The following DSCAML1 variants were observed in gnomAD, a reference collection of about 807,000 sequenced individuals.
DSCAML1 encodes DS cell adhesion molecule like 1, also known as cell adhesion molecule DSCAML1.
In DSCAML1, 38 loss-of-function variants were observed where a neutral mutation model predicts 200.5. The ratio of observed to expected loss-of-function variants is 0.19; its 90% CI spans 0.15 to 0.25. The LOEUF (loss-of-function observed/expected upper bound fraction) is 0.25. DSCAML1 is among the 10% of genes least tolerant of loss of function. The pLI, the probability that DSCAML1 is intolerant of heterozygous loss-of-function variation, is 1.00. For missense variants in DSCAML1, 2,223 were observed against 2,858.8 expected (o/e 0.78, Z 5.07); for synonymous variants, 1,215 against 1,165.0 (o/e 1.04, Z -0.87).
chr11:117,536,993 T>C (rs2050183701), intron 3 of DSCAML1, among the ~76,000 whole-genome samples: 1 of 152,184 alleles, frequency 6.6e-6, no homozygotes, highest in Non-Finnish European at 1.5e-5. Context: ...ATACAATTAT[T>C]ATTAACTGAA....
intron 3 of DSCAML1, among the ~76,000 whole-genome samples, chr11:117,598,387 G>A (rs949067070): frequency 1.1e-4 from 16 of 152,174 alleles, no homozygotes; most frequent in Admixed American, 1.3e-4. Flanking sequence ...TCATTAACTT[G>A]CCCAAGGTTG....
intron 3 of DSCAML1, among the ~76,000 whole-genome samples, chr11:117,602,829 T>C (rs2051489615): frequency 6.6e-6 from 1 of 151,758 alleles, no homozygotes. Context: ...CCATGTGGGG[T>C]GGCTCACGCC....
rs77401397 is a variant in DSCAML1 at position 117,452,915 on chromosome 11, G to A, written c.3569-2227C>T. Among the ~76,000 whole-genome samples the A allele has an allele frequency of 2.8e-4, 42 of 152,136 alleles. No individual in the cohort carries two copies. The East Asian group carries it at 7.7e-3, about 28-fold the overall frequency. ...ACCCTGTCCCAACCTTGCCATTGTT[G>A]TGTATCTTATTTCACTTTATTTTCA... On this transcript the variant is annotated intron_variant, in intron 19 of 32. Coordinates refer to ENST00000651296, the MANE Select transcript of DSCAML1 (RefSeq NM_020693.4).
At chr11:117,492,609 A>G (rs907168426) in intron 11 of DSCAML1, among the ~76,000 whole-genome samples, 2 of 152,060 alleles carry the variant, frequency 1.3e-5, no homozygotes, top group African/African-American at 4.8e-5. Context: ...TTCTCCCCCA[A>G]AAGCCTTGTG....
intron 3 of DSCAML1, among the ~76,000 whole-genome samples, chr11:117,550,647 C>T (rs1020113058): frequency 2.6e-5 from 4 of 152,194 alleles, no homozygotes; most frequent in Admixed American, 6.5e-5. Context: ...CCCGCCAGCT[C>T]CCTGGACACG....
chr11:117,657,093 G>A (rs2052750809), intron 3 of DSCAML1, among the ~76,000 whole-genome samples: 1 of 152,194 alleles, frequency 6.6e-6, no homozygotes, highest in East Asian at 1.9e-4. Context: ...ACAGGTGACA[G>A]AGATGGCACA....
chr11:117,652,019 A>T (rs2052643636), intron 3 of DSCAML1, among the ~76,000 whole-genome samples: 1 of 152,188 alleles, frequency 6.6e-6, no homozygotes, highest in Non-Finnish European at 1.5e-5. Flanking sequence ...CCTCTAAGCC[A>T]GCAAGGCCTG....
chr11:117,574,877 G>C (rs2050905774), intron 3 of DSCAML1, among the ~76,000 whole-genome samples: 1 of 152,180 alleles, frequency 6.6e-6, no homozygotes, highest in Non-Finnish European at 1.5e-5. Context: ...AGTCCCAGGG[G>C]TGAGCAGGCA....
chr11:117,723,620 G>A (rs1206678139), intron 3 of DSCAML1, among the ~76,000 whole-genome samples: 2 of 152,202 alleles, frequency 1.3e-5, no homozygotes, highest in African/African-American at 4.8e-5. Context: ...CCATTCCGCG[G>A]CTGTTTTAGA....
chr11:117,556,640 G>C (rs991694975), intron 3 of DSCAML1, among the ~76,000 whole-genome samples: 5 of 152,168 alleles, frequency 3.3e-5, no homozygotes, highest in Admixed American at 2.0e-4. Context: ...CCTGACCCCA[G>C]GGCCCTGGAA....
At chr11:117,715,615 T>C (rs2187181) in intron 3 of DSCAML1, among the ~76,000 whole-genome samples, 149,055 of 152,268 alleles carry the variant, frequency 0.98, 73,043 homozygotes, top group Middle Eastern at 1. Context: ...CCCCTGTGCC[T>C]GGCACAGGGC....
chr11:117,551,738 G>A (rs956427691), intron 3 of DSCAML1, among the ~76,000 whole-genome samples: 1 of 152,068 alleles, frequency 6.6e-6, no homozygotes, highest in African/African-American at 2.4e-5. Flanking sequence ...TGGAGGGAGA[G>A]AGCCTCTGAG....
rs6144528 is a variant in DSCAML1 at position 117,582,992 on chromosome 11, A to ATATTATTATTATTATTATTATTATTAT, written c.512-50497_512-50471dup. Reference sequence around the variant, plus strand: ...TCACAATGTGGCATAGGAGACAGGGATATTATTATTATTATTATTATTATT... The same window carrying ATATTATTATTATTATTATTATTATTAT: ...TCACAATGTGGCATAGGAGACAGGGATATTATTATTATTATTATTATTATTATTATTATTATTATTATTATTATTATT... On this transcript the variant is annotated intron_variant, in intron 3 of 32. Coordinates refer to ENST00000651296, the MANE Select transcript of DSCAML1 (RefSeq NM_020693.4). 3.2e-3 allele frequency among the ~76,000 whole-genome samples: 465 copies of ATATTATTATTATTATTATTATTATTAT among 145,142 alleles called. 3 individuals are homozygous for ATATTATTATTATTATTATTATTATTAT. The highest frequency in any genetic ancestry group is 5.1e-3 in the Non-Finnish European group (338 of 66,508).
At chr11:117,678,883 TG>T (rs2053263621) in intron 3 of DSCAML1, among the ~76,000 whole-genome samples, 1 of 152,266 alleles carries the variant, frequency 6.6e-6, no homozygotes, top group Non-Finnish European at 1.5e-5. Flanking sequence ...GAGAGGGTTT[TG>T]AATAGGATTG....
At chr11:117,775,903 C>CT in intron 3 of DSCAML1, among the ~76,000 whole-genome samples, 1 of 152,094 alleles carries the variant, frequency 6.6e-6, no homozygotes, top group Non-Finnish European at 1.5e-5. Context: ...GTTATGAGAC[C>CT]TTAATGCTGA....
intron 11 of DSCAML1, among the ~76,000 whole-genome samples, chr11:117,482,573 A>G (rs892317639): frequency 3.9e-5 from 6 of 152,232 alleles, no homozygotes; most frequent in African/African-American, 1.4e-4. Flanking sequence ...GGTAGCTCGT[A>G]TAATTGCTGT....
Position 117,437,062 on chromosome 11 carries a change from A to G in DSCAML1, c.4720+60T>C, listed in dbSNP as rs1378501886. Reference sequence around the variant, plus strand: ...TCTTTATGTATCTGCCACTCTGCCCACTTCCTTCGCACCACCCTGCTCCAG... The same window carrying G: ...TCTTTATGTATCTGCCACTCTGCCCGCTTCCTTCGCACCACCCTGCTCCAG... On this transcript the variant is annotated intron_variant, in intron 26 of 32. Coordinates refer to ENST00000651296, the MANE Select transcript of DSCAML1 (RefSeq NM_020693.4). This position sits in a 1 kb window ranked among gnomAD's most constrained non-coding sequence, Gnocchi z 5.3. The G allele has an allele frequency of 1.3e-5, 20 of 1,554,608 alleles. No homozygotes were observed. Among genetic ancestry groups the G allele is most frequent in the Non-Finnish European group, 1.7e-5 (19 of 1,148,936 alleles).
At chr11:117,669,209 G>A (rs1333383532) in intron 3 of DSCAML1, among the ~76,000 whole-genome samples, 1 of 152,214 alleles carries the variant, frequency 6.6e-6, no homozygotes, top group African/African-American at 2.4e-5. Context: ...CTTCCTGCTG[G>A]GGAGTGCAGC....
chr11:117,760,254 CA>C (rs2054775847), intron 3 of DSCAML1, among the ~76,000 whole-genome samples: 1 of 152,228 alleles, frequency 6.6e-6, no homozygotes, highest in Non-Finnish European at 1.5e-5. Flanking sequence ...ATATTTTCTT[CA>C]GATCGTTTTT....
Sources: allele counts gnomAD v4.1 joint callset (sites outside exome capture counted in the v4.1 genomes callset), GRCh38; gene constraint gnomAD v4.1.1; non-coding constraint Gnocchi (gnomAD v3.1); transcripts MANE v1.5; gene names NCBI Gene and HGNC (gene_info 2026-07-23, HGNC 2026-07-21).